The following SACM1L variants were observed in gnomAD, a reference collection of about 807,000 sequenced individuals.
SACM1L encodes phosphatidylinositol-3-phosphatase SAC1.
In SACM1L, 32 loss-of-function variants were observed where a neutral mutation model predicts 89.5. The observed-to-expected ratio is 0.36, with a 90% confidence interval of 0.27 to 0.48. SACM1L has a LOEUF of 0.48. Ranked by LOEUF, SACM1L falls within the 20% of genes least tolerant of loss-of-function variation. The probability of loss-of-function intolerance (pLI) is 0.99; values close to 1 mark genes in which losing one functional copy is unlikely to be tolerated. For synonymous variants in SACM1L, 213 were observed against 232.8 expected, an observed-to-expected ratio of 0.92 and a Z score of 0.77; for missense variants, 543 against 708.5, an observed-to-expected ratio of 0.77 and a Z score of 2.65.
chr3:45,697,268 C>CTTTTTTTTTT (rs1559535250), intron 1 of SACM1L, among the ~76,000 whole-genome samples: 28 of 110,586 alleles, frequency 2.5e-4, no homozygotes, highest in East Asian at 5.1e-4. Context: ...CTTTTCTTTT[C>CTTTTTTTTTT]CTTTTTTTTT....
Position 45,703,472 on chromosome 3 carries a change from TGTG to T in SACM1L, c.68_70del (p.Cys23_Asp24delinsTyr). Reference sequence around the variant, plus strand: ...ACCTGAAAAATTTTATGTGGAAGCTTGTGATGATGGAGCAGATGACGTACTTAC... The same window carrying T: ...ACCTGAAAAATTTTATGTGGAAGCTTATGATGGAGCAGATGACGTACTTAC... On this transcript the variant is annotated inframe_deletion, in exon 2 of 20. Coordinates refer to ENST00000389061, the MANE Select transcript of SACM1L (RefSeq NM_014016.5). 3 of 1,613,210 alleles carry T rather than the reference TGTG, an allele frequency of 1.9e-6. No individual in the cohort carries two copies. Among genetic ancestry groups the T allele is most frequent in the Non-Finnish European group, 2.5e-6 (3 of 1,179,326 alleles).
intron 11 of SACM1L, among the ~76,000 whole-genome samples, chr3:45,727,834 A>G (rs906872786): frequency 1.4e-4 from 22 of 152,080 alleles, no homozygotes; most frequent in African/African-American, 5.3e-4. Context: ...TGACCTCGTG[A>G]TCTGCCCGCC....
At chr3:45,740,461 C>T (rs1444356115) in intron 19 of SACM1L, among the ~76,000 whole-genome samples, 1 of 152,150 alleles carries the variant, frequency 6.6e-6, no homozygotes, top group African/African-American at 2.4e-5. Flanking sequence ...ATATGTGGCC[C>T]ACTATCTTTG....
intron 1 of SACM1L, among the ~76,000 whole-genome samples, chr3:45,691,770 A>C (rs1411462364): frequency 6.6e-6 from 1 of 152,108 alleles, no homozygotes; most frequent in Non-Finnish European, 1.5e-5. Flanking sequence ...GCACACCACC[A>C]CACCTGTCCT....
At chr3:45,709,888 A>G (rs530672257) in intron 5 of SACM1L, among the ~76,000 whole-genome samples, 25 of 152,064 alleles carry the variant, frequency 1.6e-4, no homozygotes, top group African/African-American at 5.5e-4. Context: ...AAATCTTTGT[A>G]TAAACACACA....
chr3:45,737,513 G>A, intron 14 of SACM1L, 70 bp from the exon 15 acceptor site: 1 of 1,456,666 alleles, frequency 6.9e-7, no homozygotes, highest in Non-Finnish European at 9.4e-7. Flanking sequence ...TTTGGGGACT[G>A]CTTTTTCTTC....
chr3:45,735,147 A>G (rs982534308), intron 13 of SACM1L, 88 bp from the exon 14 acceptor site: 6 of 1,216,664 alleles, frequency 4.9e-6, no homozygotes, highest in Non-Finnish European at 5.7e-6. Flanking sequence ...TAATAATGTC[A>G]CTGAAATGAG....
chr3:45,730,103 A>G (rs1472637053), intron 11 of SACM1L, among the ~76,000 whole-genome samples: 1 of 152,078 alleles, frequency 6.6e-6, no homozygotes, highest in African/African-American at 2.4e-5. Flanking sequence ...TCTTTGTCTA[A>G]TAAGTCTAGT....
At position 45,732,190 on chromosome 3, in the gene SACM1L, G is replaced by T. The variant is rs113107366; in HGVS notation, c.1100+39G>T. The T allele has an allele frequency of 6.2e-5, 75 of 1,213,642 alleles. No individual in the cohort carries two copies. The African/African-American group carries it at 6.2e-4, about 10-fold the overall frequency. 75.2% of individuals were successfully genotyped at this position (1,213,642 alleles called of 1,614,324 possible). A position where few individuals can be genotyped will look rare whatever the true frequency, so the allele number is the denominator to read the frequency against. ...TTTCCTTAAGGAGGTAGAGGGAAGAGGTATATATATCAGTCATATTTTATT... is the reference window on the plus strand; with the variant it reads ...TTTCCTTAAGGAGGTAGAGGGAAGATGTATATATATCAGTCATATTTTATT... On this transcript the variant is annotated intron_variant, in intron 13 of 19. Coordinates refer to ENST00000389061, the MANE Select transcript of SACM1L (RefSeq NM_014016.5).
chr3:45,705,102 A>T lies in SACM1L; in HGVS notation c.131-33A>T. On this transcript the variant is annotated intron_variant, in intron 2 of 19. Coordinates refer to ENST00000389061, the MANE Select transcript of SACM1L (RefSeq NM_014016.5). The stretch of plus-strand genomic sequence containing the variant: ...CTGTTTCTGTTGGTGAGCTTTTTGT[A>T]TGTGATTTTTCTTTCTTTCCTTTCT... 3 of 1,416,124 alleles carry T rather than the reference A, an allele frequency of 2.1e-6. No individual in the cohort carries two copies. The East Asian group carries it at 6.9e-5, about 33-fold the overall frequency. The allele number at this position is 1,416,124 out of a possible 1,614,324, so 87.7% of individuals were successfully genotyped here.
chr3:45,741,787 A>C (rs946325195), intron 19 of SACM1L, among the ~76,000 whole-genome samples: 2 of 152,230 alleles, frequency 1.3e-5, no homozygotes, highest in Non-Finnish European at 2.9e-5. Context: ...ATGGCTGTAC[A>C]TTCTTTGTTT....
At chr3:45,715,363 G>A (rs951701402) in intron 7 of SACM1L, among the ~76,000 whole-genome samples, 2 of 152,142 alleles carry the variant, frequency 1.3e-5, no homozygotes, top group Non-Finnish European at 2.9e-5. Flanking sequence ...AGTAATGGAG[G>A]AAACATGTTC....
intron 1 of SACM1L, among the ~76,000 whole-genome samples, chr3:45,699,004 A>T (rs1358375370): frequency 6.6e-6 from 1 of 152,092 alleles, no homozygotes; most frequent in Non-Finnish European, 1.5e-5. Context: ...CGATCTCCTG[A>T]CCTTGTGATC....
At chr3:45,738,708 G>T in intron 17 of SACM1L, 37 bp downstream of exon 17, 1 of 1,539,014 alleles carries the variant, frequency 6.5e-7, no homozygotes. Flanking sequence ...GCATTACGTG[G>T]TTGTATCTTT....
At chr3:45,700,815 G>A (rs1698247407) in intron 1 of SACM1L, among the ~76,000 whole-genome samples, 1 of 152,156 alleles carries the variant, frequency 6.6e-6, no homozygotes, top group Non-Finnish European at 1.5e-5. Flanking sequence ...GGGACTACAG[G>A]CATGTACCAC....
chr3:45,706,980 T>G, intron 4 of SACM1L, 73 bp downstream of exon 4: 1 of 1,365,716 alleles, frequency 7.3e-7, no homozygotes, highest in Non-Finnish European at 1.0e-6. Flanking sequence ...AGGGTGAGGG[T>G]GTTGTGGAAT....
At chr3:45,726,869 C>CATACATTTGGTA (rs1559548014) in intron 11 of SACM1L, among the ~76,000 whole-genome samples, 1 of 52,340 alleles carries the variant, frequency 1.9e-5, no homozygotes, top group Non-Finnish European at 3.8e-5. Flanking sequence ...TGCTTTATTT[C>CATACATTTGGTA]TTTTTTTTTT....
At chr3:45,723,327 G>C (rs758578267) in intron 10 of SACM1L, 148 bp from the exon 11 acceptor site, 1 of 346,176 alleles carries the variant, frequency 2.9e-6, no homozygotes, top group Non-Finnish European at 5.2e-6. Flanking sequence ...AGAATAGCTA[G>C]AAGGCATAGT....
At chr3:45,700,170 C>T (rs1382587337) in intron 1 of SACM1L, among the ~76,000 whole-genome samples, 4 of 151,904 alleles carry the variant, frequency 2.6e-5, no homozygotes, top group Non-Finnish European at 4.4e-5. Flanking sequence ...GTTTTTGTGC[C>T]TAATATAAAA....
Sources: gnomAD v4.1 joint callset for allele counts (sites outside exome capture counted in the v4.1 genomes callset) on GRCh38, gnomAD v4.1.1 for gene constraint, MANE v1.5 for transcripts, NCBI Gene and HGNC (gene_info 2026-07-23, HGNC 2026-07-21) for gene names.